Variants in MILR1 observed in about 807,000 individuals in gnomAD.
The protein encoded by MILR1 is mast cell immunoglobulin like receptor 1, also known as allergin-1.
Under a neutral mutation model 18.5 loss-of-function variants are expected in MILR1, and 31 were observed. The observed-to-expected ratio is 1.68, with a 90% CI of 1.26 to 2.26. MILR1 has a LOEUF of 2.26. Among genes scored for constraint, MILR1 ranks in the 30% most tolerant of loss-of-function variants. MILR1 has a pLI of 0.00. For missense variants in MILR1, 257 were observed against 157.4 expected, an observed-to-expected ratio of 1.63 and a Z score of -3.38; for synonymous variants, 85 against 56.2, an observed-to-expected ratio of 1.51 and a Z score of -2.30.
chr17:64,491,700 T>C, the MILR1 span: 8 of 1,039,190 alleles, frequency 7.7e-6, 1 homozygote, highest in South Asian at 1.0e-4. Context: ...CATCTCGGGG[T>C]TTACCATGGT....
At chr17:64,457,266 T>C (rs1032719419) in intron 3 of MILR1, 134 bp from the exon 4 acceptor site, 17 of 400,248 alleles carry the variant, frequency 4.2e-5, no homozygotes, top group Non-Finnish European at 6.6e-5. Context: ...CGTGAGCTTC[T>C]TGACTTCTCA....
At chr17:64,491,638 A>C in the MILR1 span, 1 of 1,488,138 alleles carries the variant, frequency 6.7e-7, no homozygotes, top group Non-Finnish European at 9.3e-7. Flanking sequence ...GGAGCGTTTC[A>C]AAGAGGTTAC....
the MILR1 span, among the ~76,000 whole-genome samples, chr17:64,476,307 A>C: frequency 6.6e-6 from 1 of 152,216 alleles, no homozygotes; most frequent in Admixed American, 6.5e-5. Context: ...TATTTTTTTA[A>C]TGTGATAATA....
At chr17:64,472,444 C>T (rs143887169), downstream of MILR1, among the ~76,000 whole-genome samples, 4,914 of 108,270 alleles carry the variant, frequency 0.045, 236 homozygotes, top group African/African-American at 0.14. Flanking sequence ...CCAGCCTGGG[C>T]GACAGAGCAA....
chr17:64,482,928 T>G, the MILR1 span: 1 of 1,576,240 alleles, frequency 6.3e-7, no homozygotes, highest in Non-Finnish European at 8.7e-7. Context: ...CCTGTCTTAG[T>G]TCCAATGTGG....
chr17:64,457,356 A>G, intron 3 of MILR1, 44 bp from the exon 4 acceptor site: 1 of 464,258 alleles, frequency 2.2e-6, no homozygotes, highest in South Asian at 7.4e-5. Context: ...GAGTGAGCAC[A>G]CCCAGTCTGT....
At chr17:64,495,470 T>C in the MILR1 span, among the ~76,000 whole-genome samples, 2 of 151,978 alleles carry the variant, frequency 1.3e-5, no homozygotes. Flanking sequence ...GTCCAGCTAC[T>C]TGGGAGGCTG....
chr17:64,483,047 C>T, the MILR1 span: 1 of 933,046 alleles, frequency 1.1e-6, no homozygotes, highest in Non-Finnish European at 1.7e-6. Flanking sequence ...GGGGAAAAAG[C>T]ATAGTTTGTT....
the MILR1 span, among the ~76,000 whole-genome samples, chr17:64,489,049 A>G: frequency 6.9e-6 from 1 of 145,100 alleles, no homozygotes; most frequent in African/African-American, 2.6e-5. Flanking sequence ...TTTTTGAGAC[A>G]TGGTCTCATC....
the MILR1 span, among the ~76,000 whole-genome samples, chr17:64,484,857 G>C: frequency 7.2e-5 from 11 of 152,108 alleles, no homozygotes; most frequent in Non-Finnish European, 1.5e-4. Flanking sequence ...CCCAATCCCA[G>C]CTGAACACTC....
At position 64,465,490 on chromosome 17, in the gene MILR1, GAC is replaced by G. The variant is rs1555662938; in HGVS notation, c.806_807del (p.Thr269SerfsTer12). 9 of 1,611,068 alleles carry G rather than the reference GAC, an allele frequency of 5.6e-6. No homozygotes were observed. Among genetic ancestry groups the G allele is most frequent in the Non-Finnish European group, 6.8e-6 (8 of 1,178,768 alleles). On this transcript the variant is annotated frameshift_variant, in exon 6 of 10. Transcript: ENST00000619286. LOFTEE classifies it high-confidence loss of function. Reference protein sequence around the residue: ...MRNNVPRDRGDTAMEVGIYAN... With the variant: ...MRNNVPRDRGXTAMEVGIYAN... ...AAATAATGTGCCCAGGGACCGTGGA[GAC>G]ACAGCCATGGAAGTTGGAATCTATG...
At chr17:64,473,357 A>G (rs2037720110), downstream of MILR1, among the ~76,000 whole-genome samples, 1 of 142,790 alleles carries the variant, frequency 7.0e-6, no homozygotes, top group African/African-American at 3.0e-5. Flanking sequence ...TCTCAAAAAA[A>G]AAAAAAAAAG....
intron 2 of MILR1, among the ~76,000 whole-genome samples, chr17:64,450,218 G>A (rs1014398213): frequency 4.6e-5 from 7 of 151,780 alleles, no homozygotes; most frequent in African/African-American, 9.7e-5. Context: ...GATTACAGGC[G>A]TGAGACACTG....
In MILR1 at chr17:64,457,457, A is replaced by C; in HGVS notation, c.425A>C (p.His142Pro). ...GTCATTCAAACAGAAACAGACCGAC[A>C]TATAACATTACATTGCCTCTCAGTC... The part of the protein sequence containing the change: ...IMVIQTETDR[H>P]ITLHCLSVNG... The change falls in exon 4 of 10, where the codon CAT (histidine) becomes CCT (proline). Residue 142 changes from histidine (H) to proline (P), a missense_variant. Coordinates refer to ENST00000619286, the MANE Select transcript of MILR1 (RefSeq NM_001085423.2). 2.1e-6 allele frequency: 1 copy of C among 475,384 alleles called. No homozygotes were observed. The highest frequency in any genetic ancestry group is 3.9e-6 in the Non-Finnish European group (1 of 259,046). The allele number at this position is 475,384 out of a possible 1,614,324, so 29.4% of individuals were successfully genotyped here. A position where few individuals can be genotyped will look rare whatever the true frequency, so the allele number is the denominator to read the frequency against.
chr17:64,455,236 A>G (rs1166939233), intron 3 of MILR1, among the ~76,000 whole-genome samples: 3 of 152,168 alleles, frequency 2.0e-5, no homozygotes, highest in African/African-American at 4.8e-5. Context: ...TTGTTAGGGT[A>G]ATTACACAGT....
chr17:64,466,899 G>A (rs1461140941), intron 8 of MILR1, among the ~76,000 whole-genome samples: 5 of 152,162 alleles, frequency 3.3e-5, no homozygotes, highest in African/African-American at 9.6e-5. Flanking sequence ...AAAACCCAGA[G>A]AGGAGGATAC....
chr17:64,471,453 GT>G (rs1338440878), downstream of MILR1, among the ~76,000 whole-genome samples: 19 of 152,260 alleles, frequency 1.2e-4, no homozygotes, highest in African/African-American at 4.6e-4. Flanking sequence ...GCTTACCTCA[GT>G]GTCTCACCCC....
chr17:64,496,606 G>A, the MILR1 span: 7 of 1,613,630 alleles, frequency 4.3e-6, no homozygotes, highest in African/African-American at 6.7e-5. Flanking sequence ...CCTGCTCCCT[G>A]AACACCACCA....
the MILR1 span, among the ~76,000 whole-genome samples, chr17:64,475,955 AG>A: frequency 2.6e-5 from 4 of 151,404 alleles, no homozygotes; most frequent in African/African-American, 9.7e-5. Flanking sequence ...CTGGGATTAC[AG>A]GCGCCCACCA....
Sources: gnomAD v4.1 joint callset for allele counts (sites outside exome capture counted in the v4.1 genomes callset) on GRCh38, gnomAD v4.1.1 for gene constraint, MANE v1.5 for transcripts, NCBI Gene and HGNC (gene_info 2026-07-23, HGNC 2026-07-21) for gene names.